The following ADAMTS6 variants were observed in gnomAD, a reference collection of about 807,000 sequenced individuals.
The protein encoded by ADAMTS6 is A disintegrin and metalloproteinase with thrombospondin motifs 6.
A neutral mutation model predicts 144.3 loss-of-function variants in ADAMTS6; 23 were observed. The ratio of observed to expected loss-of-function variants is 0.16; its 90% CI spans 0.11 to 0.23. ADAMTS6 has a LOEUF of 0.23. ADAMTS6 is among the 10% of genes least tolerant of loss of function. ADAMTS6 has a pLI of 1.00. For missense variants in ADAMTS6, 999 were observed against 1,379.6 expected (o/e 0.72, Z 4.37); for synonymous variants, 444 against 457.5 (o/e 0.97, Z 0.38).
At chr5:65,402,875 C>T (rs544765970) in intron 7 of ADAMTS6, among the ~76,000 whole-genome samples, 4 of 152,250 alleles carry the variant, frequency 2.6e-5, no homozygotes, top group Non-Finnish European at 4.4e-5. Context: ...TCATGAACTC[C>T]ATGGACTCTT....
chr5:65,229,930 G>A (rs759315709), intron 15 of ADAMTS6, among the ~76,000 whole-genome samples: 55 of 152,038 alleles, frequency 3.6e-4, no homozygotes, highest in Admixed American at 1.2e-3. Context: ...TAATAAGGCT[G>A]AACCCAATGA....
rs114117096 is a variant in ADAMTS6 at position 65,255,954 on chromosome 5, G to A, written c.1830+4646C>T. ...GTGATCATAGCTCACTGCAGCCTCAGACTCCTGGGTTCAAGTGATACTCCC... is the reference window on the plus strand; with the variant it reads ...GTGATCATAGCTCACTGCAGCCTCAAACTCCTGGGTTCAAGTGATACTCCC... On this transcript the variant is annotated intron_variant, in intron 14 of 24. Transcript: ENST00000381055. Among the ~76,000 whole-genome samples, 1,275 of 152,228 alleles carry A rather than the reference G, an allele frequency of 8.4e-3. 15 individuals carry two copies. Among genetic ancestry groups the A allele is most frequent in the African/African-American group, 0.028 (1,180 of 41,542 alleles).
intron 1 of ADAMTS6, among the ~76,000 whole-genome samples, chr5:65,478,012 A>G (rs1361485755): frequency 6.6e-6 from 1 of 152,018 alleles, no homozygotes; most frequent in Non-Finnish European, 1.5e-5. Flanking sequence ...CTGTAATCCC[A>G]GCTACTCAGG....
intron 7 of ADAMTS6, among the ~76,000 whole-genome samples, chr5:65,432,508 A>C (rs1287667967): frequency 6.6e-6 from 1 of 152,040 alleles, no homozygotes; most frequent in Non-Finnish European, 1.5e-5. Flanking sequence ...TGCTTTGCAT[A>C]CATTAGCACT....
At chr5:65,322,193 T>C (rs1745681083) in intron 9 of ADAMTS6, among the ~76,000 whole-genome samples, 1 of 152,196 alleles carries the variant, frequency 6.6e-6, no homozygotes, top group African/African-American at 2.4e-5. Flanking sequence ...TGCAGCCTTA[T>C]TTCTGAGTTC....
intron 1 of ADAMTS6, 107 bp downstream of exon 1, chr5:65,481,235 AC>A (rs1761180013): frequency 2.2e-5 from 3 of 135,254 alleles, no homozygotes; most frequent in Non-Finnish European, 3.2e-5. Context: ...AAAAAAAAAC[AC>A]ACACACAGAA....
chr5:65,333,997 TAAAAAAAAAAAAAAA>T lies in ADAMTS6; in HGVS notation c.1117+30_1117+44del, dbSNP rs750637450. ...ACAATCAGAACCATTCTACCTTTATTAAAAAAAAAAAAAAAAAAAAAAAAAAAAACCAAAAAAAAC... is the reference window on the plus strand; with the variant it reads ...ACAATCAGAACCATTCTACCTTTATTAAAAAAAAAAAAAACCAAAAAAAAC... On this transcript the variant is annotated intron_variant, in intron 8 of 24. Transcript: ENST00000381055. 8.8e-4 allele frequency: 743 copies of T among 842,412 alleles called. 6 individuals are homozygous for T. The South Asian group carries it at 0.022, about 25-fold the overall frequency. The allele number at this position is 842,412 out of a possible 1,614,324, so 52.2% of individuals were successfully genotyped here. A position where few individuals can be genotyped will look rare whatever the true frequency, so the allele number is the denominator to read the frequency against.
intron 2 of ADAMTS6, among the ~76,000 whole-genome samples, chr5:65,472,859 C>T (rs1760567929): frequency 6.6e-6 from 1 of 152,140 alleles, no homozygotes; most frequent in African/African-American, 2.4e-5. Flanking sequence ...ATACATACAT[C>T]AATCTGTAAT....
rs139007265 is a variant in ADAMTS6 at position 65,382,822 on chromosome 5, C to A, written c.1074-48737G>T. ...ACTGTTCTCTTTTATGTATCTTAGT[C>A]CATTCAGTCTGCTATAACAAAATAC... is the stretch of plus-strand genomic sequence containing the variant. On this transcript the variant is annotated intron_variant, in intron 7 of 24. Coordinates refer to ENST00000381055, the MANE Select transcript of ADAMTS6 (RefSeq NM_197941.4). 2.0e-4 allele frequency among the ~76,000 whole-genome samples: 31 copies of A among 152,250 alleles called. 3 individuals carry two copies. Among genetic ancestry groups the A allele is most frequent in the African/African-American group, 7.5e-4 (31 of 41,544 alleles).
At chr5:65,391,304 A>G (rs1296772962) in intron 7 of ADAMTS6, among the ~76,000 whole-genome samples, 2 of 152,098 alleles carry the variant, frequency 1.3e-5, no homozygotes, top group East Asian at 3.9e-4. Context: ...AATTAAAATA[A>G]AGTTGCGAAA....
chr5:65,373,917 A>T (rs1751240046), intron 7 of ADAMTS6, among the ~76,000 whole-genome samples: 7 of 152,210 alleles, frequency 4.6e-5, no homozygotes, highest in Admixed American at 4.6e-4. Flanking sequence ...GCCATGATCA[A>T]GTGGGCTTCA....
intron 20 of ADAMTS6, chr5:65,213,920 C>G (rs1428246143): frequency 1.3e-5 from 2 of 157,270 alleles, no homozygotes; most frequent in Non-Finnish European, 2.9e-5. Context: ...TCTAGTCCAG[C>G]CTAGGCCTGA....
rs73761651 is a variant in ADAMTS6 at position 65,158,879 on chromosome 5, A to G, written c.3245-6934T>C. Among the ~76,000 whole-genome samples, 1,446 of 152,100 alleles carry G rather than the reference A, an allele frequency of 9.5e-3. 19 individuals are homozygous for G. Among genetic ancestry groups the G allele is most frequent in the African/African-American group, 0.033 (1,360 of 41,470 alleles). On this transcript the variant is annotated intron_variant, in intron 24 of 24. Transcript: ENST00000381055. ...TTGAAACCCTGCTTCTGATTTCCTTATTATCATTTGTTGCTTGACCTCCCT... is the reference window on the plus strand; with the variant it reads ...TTGAAACCCTGCTTCTGATTTCCTTGTTATCATTTGTTGCTTGACCTCCCT...
At chr5:65,200,072 G>GCAA (rs1755635883) in intron 20 of ADAMTS6, among the ~76,000 whole-genome samples, 1 of 152,082 alleles carries the variant, frequency 6.6e-6, no homozygotes, top group South Asian at 2.1e-4. Flanking sequence ...AGACAGTGTG[G>GCAA]TATTTCACAC....
chr5:65,214,474 A>G lies in ADAMTS6; in HGVS notation c.2575+320T>C. The stretch of plus-strand genomic sequence containing the variant: ...TGATTCTTGCTCATTTTCTTTTTTA[A>G]AACTTTTGATGTTCTTTACCAAGAA... On this transcript the variant is annotated intron_variant, in intron 20 of 24. Transcript: ENST00000381055. This position sits in a 1 kb window ranked among gnomAD's most constrained non-coding sequence, Gnocchi z 4.6. 5 of 393,458 alleles carry G rather than the reference A, an allele frequency of 1.3e-5. No individual in the cohort carries two copies. Among genetic ancestry groups the G allele is most frequent in the South Asian group, 1.1e-4 (5 of 44,674 alleles). 24.4% of individuals were successfully genotyped at this position (393,458 alleles called of 1,614,324 possible). A position where few individuals can be genotyped will look rare whatever the true frequency, so the allele number is the denominator to read the frequency against.
rs367633296 is a variant in ADAMTS6, at chr5:65,157,484, G to C, written c.3245-5539C>G. Among the ~76,000 whole-genome samples the C allele has an allele frequency of 2.0e-5, 3 of 152,304 alleles. No individual in the cohort carries two copies. In the South Asian group the frequency reaches 6.2e-4, roughly 32 times the overall value. ...CAAAGCTTGCCTACTTGTCTCACTG[G>C]AGTTGGGAGATACCCTTCATGACCA... On this transcript the variant is annotated intron_variant, in intron 24 of 24. Transcript: ENST00000381055.
intron 9 of ADAMTS6, among the ~76,000 whole-genome samples, chr5:65,303,763 A>G (rs959015697): frequency 2.0e-5 from 3 of 152,086 alleles, no homozygotes; most frequent in Non-Finnish European, 2.9e-5. Flanking sequence ...AATTTTGACT[A>G]TAGAGCCAGT....
intron 15 of ADAMTS6, 128 bp from the exon 16 acceptor site, chr5:65,226,347 G>GTT: frequency 1.1e-6 from 1 of 943,712 alleles, no homozygotes; most frequent in South Asian, 4.0e-5. Flanking sequence ...GATTGTGTAG[G>GTT]TTTCTTTCCC....
At chr5:65,324,519 C>T (rs1554070123) in intron 9 of ADAMTS6, among the ~76,000 whole-genome samples, 1 of 151,478 alleles carries the variant, frequency 6.6e-6, no homozygotes, top group African/African-American at 2.4e-5. Context: ...ATGATATATA[C>T]ACATATATAA....
Sources: gnomAD v4.1 joint callset for allele counts (sites outside exome capture counted in the v4.1 genomes callset) on GRCh38, gnomAD v4.1.1 for gene constraint, Gnocchi (gnomAD v3.1) non-coding constraint, MANE v1.5 for transcripts, NCBI Gene and HGNC (gene_info 2026-07-23, HGNC 2026-07-21) for gene names.